SORCS3: variants seen among roughly 807,000 people sequenced by gnomAD.
SORCS3 encodes VPS10 domain-containing receptor SorCS3.
A neutral mutation model predicts 146.3 loss-of-function variants in SORCS3; 57 were observed. That is an observed-to-expected ratio of 0.39 (90% CI 0.31 to 0.49). The LOEUF is 0.49. Among genes scored for constraint, SORCS3 ranks in the 20% least tolerant of loss-of-function variants. SORCS3 has a pLI of 0.92. For missense variants in SORCS3, 1,341 were observed against 1,575.5 expected (o/e 0.85, Z 2.52); for synonymous variants, 653 against 618.5 (o/e 1.06, Z -0.83).
chr10:104,969,467 CAT>C (rs1663887692), intron 3 of SORCS3, among the ~76,000 whole-genome samples: 1 of 152,174 alleles, frequency 6.6e-6, no homozygotes, highest in South Asian at 2.1e-4. Flanking sequence ...ACCTATATCA[CAT>C]GATTTGTATG....
chr10:104,819,486 C>T (rs1164056486), intron 1 of SORCS3, among the ~76,000 whole-genome samples: 1 of 152,196 alleles, frequency 6.6e-6, no homozygotes, highest in Non-Finnish European at 1.5e-5. Context: ...TCTCATATGC[C>T]CACAATACCC....
At chr10:105,171,419 G>C (rs1191405136) in intron 13 of SORCS3, among the ~76,000 whole-genome samples, 1 of 152,108 alleles carries the variant, frequency 6.6e-6, no homozygotes, top group Non-Finnish European at 1.5e-5. Context: ...ACTCACAATC[G>C]GCAGAGCACC....
intron 2 of SORCS3, among the ~76,000 whole-genome samples, chr10:104,870,024 T>C (rs549954389): frequency 1.1e-4 from 16 of 152,362 alleles, no homozygotes; most frequent in African/African-American, 3.8e-4. Flanking sequence ...TGGAAAGTTG[T>C]TGGAATAATG....
At chr10:104,855,352 A>G (rs954076025) in intron 2 of SORCS3, among the ~76,000 whole-genome samples, 1 of 152,140 alleles carries the variant, frequency 6.6e-6, no homozygotes, top group South Asian at 2.1e-4. Context: ...TGTTTGCCAA[A>G]ATCAAAACCC....
chr10:104,894,238 T>A (rs544918391), intron 2 of SORCS3, among the ~76,000 whole-genome samples: 2 of 152,314 alleles, frequency 1.3e-5, no homozygotes, highest in South Asian at 4.1e-4. Flanking sequence ...TTCTCTCAAA[T>A]AGTGTTAGAG....
At chr10:104,854,477 TC>T (rs951057894) in intron 2 of SORCS3, among the ~76,000 whole-genome samples, 1 of 152,124 alleles carries the variant, frequency 6.6e-6, no homozygotes, top group African/African-American at 2.4e-5. Flanking sequence ...CTTTACTCAG[TC>T]CCCCTCGATA....
chr10:105,253,314 A>G (rs892403952), intron 23 of SORCS3, among the ~76,000 whole-genome samples: 8 of 152,242 alleles, frequency 5.3e-5, no homozygotes, highest in Non-Finnish European at 1.2e-4. Flanking sequence ...TGGCCCTTAA[A>G]GATCCTGGCC....
chr10:104,999,397 A>G (rs756258010), intron 4 of SORCS3, among the ~76,000 whole-genome samples: 3 of 152,162 alleles, frequency 2.0e-5, no homozygotes, highest in Non-Finnish European at 4.4e-5. Context: ...TTCCAGTTTT[A>G]GAAAACTCTA....
chr10:104,975,335 T>C (rs2133647397), intron 3 of SORCS3, among the ~76,000 whole-genome samples: 1 of 152,124 alleles, frequency 6.6e-6, no homozygotes, highest in African/African-American at 2.4e-5. Flanking sequence ...ATAAAATACC[T>C]AGGAATCCAA....
chr10:105,183,965 T>C (rs922791055), intron 14 of SORCS3, among the ~76,000 whole-genome samples: 2 of 152,218 alleles, frequency 1.3e-5, no homozygotes, highest in Non-Finnish European at 2.9e-5. Context: ...TATGTGACTT[T>C]AGTGCCTTGC....
At chr10:104,846,628 A>G (rs1275007414) in intron 2 of SORCS3, among the ~76,000 whole-genome samples, 2 of 152,218 alleles carry the variant, frequency 1.3e-5, no homozygotes, top group Admixed American at 6.5e-5. Context: ...TAAAAGCATT[A>G]ATTTGTGTAG....
intron 2 of SORCS3, among the ~76,000 whole-genome samples, chr10:104,897,019 T>C (rs1216118493): frequency 6.6e-6 from 1 of 152,190 alleles, no homozygotes. Flanking sequence ...TGCTGGACTA[T>C]AGCATGCTGG....
rs1226455197 is a variant in SORCS3 at position 105,004,000 on chromosome 10, C to CTTTTTTTTTTTTTTT, written c.954+26521_954+26522insTTTTTTTTTTTTTTT. 2.2e-3 allele frequency among the ~76,000 whole-genome samples: 303 copies of CTTTTTTTTTTTTTTT among 140,236 alleles called. 3 individuals carry two copies. Among genetic ancestry groups the CTTTTTTTTTTTTTTT allele is most frequent in the Middle Eastern group, 7.6e-3 (2 of 262 alleles). 92.0% of individuals were successfully genotyped at this position (140,236 alleles called of 152,430 possible). A position where few individuals can be genotyped will look rare whatever the true frequency, so the allele number is the denominator to read the frequency against. Reference sequence around the variant, plus strand: ...CCCCTCCTTTTTTTCTCTTCTCTCTCTTTTTTTTTTTTTTACCAGAGAAGA... The same window carrying CTTTTTTTTTTTTTTT: ...CCCCTCCTTTTTTTCTCTTCTCTCTCTTTTTTTTTTTTTTTTTTTTTTTTTTTTTACCAGAGAAGA... On this transcript the variant is annotated intron_variant, in intron 4 of 26. Coordinates refer to ENST00000369701, the MANE Select transcript of SORCS3 (RefSeq NM_014978.3).
chr10:104,866,328 C>G (rs940926777), intron 2 of SORCS3, among the ~76,000 whole-genome samples: 1 of 152,094 alleles, frequency 6.6e-6, no homozygotes, highest in Non-Finnish European at 1.5e-5. Flanking sequence ...AAATCATCTA[C>G]GTTGACTATC....
chr10:105,214,941 G>A (rs1044660483), intron 18 of SORCS3, among the ~76,000 whole-genome samples: 14 of 152,160 alleles, frequency 9.2e-5, no homozygotes, highest in African/African-American at 3.4e-4. Flanking sequence ...TGTAAACTTG[G>A]CCAGAGGAAG....
intron 1 of SORCS3, among the ~76,000 whole-genome samples, chr10:104,719,990 T>TG (rs35497287): frequency 6.6e-6 from 1 of 151,704 alleles, no homozygotes; most frequent in Non-Finnish European, 1.5e-5. Context: ...TTTTTTTTTT[T>TG]TATACTTTAA....
At chr10:105,225,067 C>G (rs1344110311) in intron 20 of SORCS3, among the ~76,000 whole-genome samples, 2 of 152,042 alleles carry the variant, frequency 1.3e-5, no homozygotes, top group Non-Finnish European at 2.9e-5. Flanking sequence ...CTTTTGTAGA[C>G]AAAAGTTTTT....
At chr10:104,878,411 A>G (rs966716739) in intron 2 of SORCS3, among the ~76,000 whole-genome samples, 4 of 152,210 alleles carry the variant, frequency 2.6e-5, no homozygotes, top group Admixed American at 6.5e-5. Context: ...ATTTCATTAT[A>G]TAAGCATTTT....
chr10:105,134,555 GAAA>G (rs71022755), intron 7 of SORCS3, among the ~76,000 whole-genome samples: 4 of 130,546 alleles, frequency 3.1e-5, no homozygotes, highest in Admixed American at 7.8e-5. Context: ...GGACAAAAAG[GAAA>G]AAAAAAAAAA....
Sources: allele counts gnomAD v4.1 joint callset (sites outside exome capture counted in the v4.1 genomes callset), GRCh38; gene constraint gnomAD v4.1.1; transcripts MANE v1.5; gene names NCBI Gene and HGNC (gene_info 2026-07-23, HGNC 2026-07-21).